The following FBXL14 variants were observed in gnomAD, a reference collection of about 807,000 sequenced individuals.
FBXL14 encodes the protein F-box and leucine rich repeat protein 14.
FBXL14 carries 11 observed loss-of-function variants against 24.5 expected under a neutral mutation model. The observed-to-expected ratio is 0.45, with a 90% CI of 0.28 to 0.74. The LOEUF (loss-of-function observed/expected upper bound fraction) is 0.74, where lower values mean the gene tolerates loss of function less well. Among genes scored for constraint, FBXL14 ranks in the 30% least tolerant of loss-of-function variants. FBXL14 has a pLI of 0.12. For missense variants in FBXL14, 384 were observed against 545.6 expected, an observed-to-expected ratio of 0.70 and a Z score of 2.95; for synonymous variants, 294 against 240.4, an observed-to-expected ratio of 1.22 and a Z score of -2.06.
rs150771866 is a variant in FBXL14 at position 1,580,806 on chromosome 12, C to T, written c.1194+12067G>A. On this transcript the variant is annotated intron_variant, in intron 1 of 1. Transcript: ENST00000339235. ...AAGTGAGGGGGCAGATTAGCATTAGCGGGCTTGCTTCTGGCCCCAGTGGAG... is the reference window on the plus strand; with the variant it reads ...AAGTGAGGGGGCAGATTAGCATTAGTGGGCTTGCTTCTGGCCCCAGTGGAG... 6.0e-4 allele frequency among the ~76,000 whole-genome samples: 91 copies of T among 152,256 alleles called. 1 individual carries two copies. The East Asian group carries it at 0.012, about 19-fold the overall frequency.
intron 1 of FBXL14, among the ~76,000 whole-genome samples, chr12:1,577,265 C>T (rs1020584372): frequency 2.0e-5 from 3 of 152,116 alleles, no homozygotes; most frequent in Admixed American, 6.6e-5. Context: ...CCGCGCTGAG[C>T]GTGGGGCACT....
At chr12:1,589,018 AG>A (rs2094482716) in intron 1 of FBXL14, among the ~76,000 whole-genome samples, 1 of 151,448 alleles carries the variant, frequency 6.6e-6, no homozygotes, top group African/African-American at 2.4e-5. Context: ...CACTTCTATG[AG>A]GGTCACCTTA....
intron 1 of FBXL14, among the ~76,000 whole-genome samples, chr12:1,575,325 C>T (rs766906703): frequency 6.6e-6 from 1 of 152,198 alleles, no homozygotes; most frequent in Non-Finnish European, 1.5e-5. Flanking sequence ...AAATCTATCT[C>T]TATCAATGTA....
rs1251024668 is a variant in FBXL14 at position 1,567,987 on chromosome 12, G to T, written c.1195-1177C>A. On this transcript the variant is annotated intron_variant, in intron 1 of 1. Coordinates refer to ENST00000339235, the MANE Select transcript of FBXL14 (RefSeq NM_152441.3). This position sits in a 1 kb window ranked among gnomAD's most constrained non-coding sequence, Gnocchi z 4.8. ...TGTAATGGGAATACCAGGAGGAGGAGAAAGAAGAAATACTTGAAATGGTAA... is the reference window on the plus strand; with the variant it reads ...TGTAATGGGAATACCAGGAGGAGGATAAAGAAGAAATACTTGAAATGGTAA... Among the ~76,000 whole-genome samples the T allele has an allele frequency of 6.6e-6, 1 of 152,224 alleles. No homozygotes were observed. The highest frequency in any genetic ancestry group is 6.5e-5 in the Admixed American group (1 of 15,284).
chr12:1,578,011 G>A (rs1427160975), intron 1 of FBXL14, among the ~76,000 whole-genome samples: 1 of 152,172 alleles, frequency 6.6e-6, no homozygotes, highest in Admixed American at 6.5e-5. Context: ...GGATTCAGGG[G>A]CATTTCCCAC....
At chr12:1,573,623 G>A (rs1295661736) in intron 1 of FBXL14, among the ~76,000 whole-genome samples, 2 of 152,202 alleles carry the variant, frequency 1.3e-5, no homozygotes, top group Non-Finnish European at 1.5e-5. Flanking sequence ...TTCAAGCCAG[G>A]ACTTAAAGGG....
At position 1,593,273 on chromosome 12, in the gene FBXL14, T is replaced by A. The variant is rs757646995; in HGVS notation, c.794A>T (p.Asn265Ile). The A allele has an allele frequency of 5.0e-6, 8 of 1,612,662 alleles. No individual in the cohort carries two copies. The highest frequency in any genetic ancestry group is 2.2e-5 in the East Asian group (1 of 44,882). The change falls in exon 1 of 2, where the codon AAC becomes ATC. Residue 265 changes from asparagine to isoleucine, a missense_variant. Transcript: ENST00000339235. The surrounding 1 kb of genome is among the most constrained non-coding windows in gnomAD (Gnocchi z 7.4). ...ATGCATGATGCCCGTGTCACTGATG[T>A]TGTCACAGGAGCGCAGGTTGAGGCT... ...LRSLNLRSCD[N>I]ISDTGIMHLA...
intron 1 of FBXL14, among the ~76,000 whole-genome samples, chr12:1,580,480 C>T (rs73030985): frequency 0.028 from 4,285 of 152,230 alleles, 74 homozygotes; most frequent in African/African-American, 0.034. Flanking sequence ...GAGAACTGGA[C>T]GGCTACTCCT....
At chr12:1,591,276 C>G (rs2094489009) in intron 1 of FBXL14, among the ~76,000 whole-genome samples, 1 of 151,448 alleles carries the variant, frequency 6.6e-6, no homozygotes, top group Non-Finnish European at 1.5e-5. Context: ...AGTATACAAA[C>G]AACACCTCCT....
rs1359677334 is a variant in FBXL14, at chr12:1,594,162, C to T, written c.-96G>A. ...GACGAGAGCGCTTCTCCCCAGCCGC[C>T]GCCGCCGCCGCCGCCGCCGCCTCGG... On this transcript the variant is annotated 5_prime_UTR_variant, in exon 1 of 2. Coordinates refer to ENST00000339235, the MANE Select transcript of FBXL14 (RefSeq NM_152441.3). The T allele has an allele frequency of 4.6e-6, 4 of 870,482 alleles. No homozygotes were observed. Among genetic ancestry groups the T allele is most frequent in the Non-Finnish European group, 5.9e-6 (4 of 682,006 alleles). 53.9% of individuals were successfully genotyped at this position (870,482 alleles called of 1,614,324 possible).
At chr12:1,577,159 A>T (rs2094457504) in intron 1 of FBXL14, among the ~76,000 whole-genome samples, 1 of 152,216 alleles carries the variant, frequency 6.6e-6, no homozygotes, top group African/African-American at 2.4e-5. Context: ...GAATCTTGAT[A>T]CTGCCTGCTC....
At position 1,593,239 on chromosome 12, in the gene FBXL14, C is replaced by G. The variant is rs774643609; in HGVS notation, c.828G>C (p.Met276Ile). ...CCAGCCCCGAGAGGCGCAGGCTGCC[C>G]ATGGCCAGATGCATGATGCCCGTGT... is the stretch of plus-strand genomic sequence containing the variant. ...ISDTGIMHLA[M>I]GSLRLSGLDV... The change falls in exon 1 of 2, where the codon ATG becomes ATC. Residue 276 changes from methionine (M) to isoleucine (I), a missense_variant. Transcript: ENST00000339235. The surrounding 1 kb of genome is among the most constrained non-coding windows in gnomAD (Gnocchi z 7.4). The G allele has an allele frequency of 2.5e-6, 4 of 1,612,814 alleles. No individual in the cohort carries two copies. In the East Asian group the frequency reaches 8.9e-5, roughly 36 times the overall value.
chr12:1,589,823 C>T (rs1000658273), intron 1 of FBXL14, among the ~76,000 whole-genome samples: 3 of 152,122 alleles, frequency 2.0e-5, no homozygotes, highest in East Asian at 1.9e-4. Context: ...GACCCATGGT[C>T]GTAACTTTCA....
chr12:1,568,537 T>C (rs560933308), intron 1 of FBXL14, among the ~76,000 whole-genome samples: 107 of 152,296 alleles, frequency 7.0e-4, no homozygotes, highest in African/African-American at 2.5e-3. Flanking sequence ...AACAGATAAC[T>C]GTTCAAAGTA....
chr12:1,586,182 GT>G lies in FBXL14; in HGVS notation c.1194+6690del, dbSNP rs79133793. On this transcript the variant is annotated intron_variant, in intron 1 of 1. Transcript: ENST00000339235. The stretch of plus-strand genomic sequence containing the variant: ...ATAGTAATAACTTTTAGCATTTGGG[GT>G]TTTTTTTTTTTTTTTACTCCTAATG... Among the ~76,000 whole-genome samples, 863 of 137,644 alleles carry G rather than the reference GT, an allele frequency of 6.3e-3. 6 individuals are homozygous for G. Among genetic ancestry groups the G allele is most frequent in the Middle Eastern group, 0.011 (3 of 262 alleles). 90.3% of individuals were successfully genotyped at this position (137,644 alleles called of 152,430 possible). A position where few individuals can be genotyped will look rare whatever the true frequency, so the allele number is the denominator to read the frequency against.
At chr12:1,590,660 G>C (rs151022670) in intron 1 of FBXL14, among the ~76,000 whole-genome samples, 305 of 152,316 alleles carry the variant, frequency 2.0e-3, no homozygotes, top group Non-Finnish European at 3.6e-3. Flanking sequence ...CCAGCGGCCA[G>C]CCTCGGCTAT....
intron 1 of FBXL14, among the ~76,000 whole-genome samples, chr12:1,576,390 G>C (rs183945214): frequency 3.3e-5 from 5 of 152,236 alleles, no homozygotes; most frequent in Non-Finnish European, 5.9e-5. Context: ...AACTGACATC[G>C]AGGGCAGCTT....
At position 1,593,290 on chromosome 12, in the gene FBXL14, G is replaced by A. The variant is rs2094494664; in HGVS notation, c.777C>T (p.Asn259=). 1.9e-6 allele frequency: 3 copies of A among 1,613,104 alleles called. No homozygotes were observed. Among genetic ancestry groups the A allele is most frequent in the East Asian group, 2.2e-5 (1 of 44,894 alleles). Residue 259 remains asparagine (N), a synonymous_variant, in exon 1 of 2, where the codon AAC becomes AAT. Transcript: ENST00000339235. This position sits in a 1 kb window ranked among gnomAD's most constrained non-coding sequence, Gnocchi z 7.4. Reference sequence around the variant, plus strand: ...CACTGATGTTGTCACAGGAGCGCAGGTTGAGGCTGCGCAGGCTGCCCATGT... The same window carrying A: ...CACTGATGTTGTCACAGGAGCGCAGATTGAGGCTGCGCAGGCTGCCCATGT... ...LSHMGSLRSL[N]LRSCDNISDT...
chr12:1,574,397 T>TG (rs71293125), intron 1 of FBXL14, among the ~76,000 whole-genome samples: 13 of 48,608 alleles, frequency 2.7e-4, no homozygotes, highest in African/African-American at 4.4e-4. Flanking sequence ...GAGGCTGGGG[T>TG]GGGGGAGGCT....
Sources: gnomAD v4.1 joint callset for allele counts (sites outside exome capture counted in the v4.1 genomes callset) on GRCh38, gnomAD v4.1.1 for gene constraint, Gnocchi (gnomAD v3.1) non-coding constraint, MANE v1.5 for transcripts, NCBI Gene and HGNC (gene_info 2026-07-23, HGNC 2026-07-21) for gene names.